The following NEB variants were observed in gnomAD, a reference collection of about 807,000 sequenced individuals.
NEB encodes nemaline myopathy type 2.
A neutral mutation model predicts 952.2 loss-of-function variants in NEB; 512 were observed. The ratio of observed to expected loss-of-function variants is 0.54; its 90% confidence interval spans 0.50 to 0.58. The LOEUF (loss-of-function observed/expected upper bound fraction) is 0.58, where lower values mean the gene tolerates loss of function less well. Among genes scored for constraint, NEB ranks in the 20% least tolerant of loss-of-function variants. The pLI is 0.00. For synonymous variants in NEB, 2,900 were observed against 3,149.8 expected (o/e 0.92, Z 2.66); for missense variants, 8,428 against 9,231.1 (o/e 0.91, Z 3.56).
Position 151,691,943 on chromosome 2 carries a change from T to C in NEB, c.2132A>G (p.Glu711Gly), listed in dbSNP as rs771553450. ...AGGGAAATAGCATTTTCCTTTATCT[T>C]CTTCATATTCTGCTTTGTAACTTTT... is the stretch of plus-strand genomic sequence containing the variant. ...SDKSYKAEYE[E>G]DKGKCYFPQT... Residue 711 changes from glutamate to glycine, a missense_variant, in exon 23 of 182, where the codon GAA (glutamate) becomes GGA (glycine). Transcript: ENST00000397345. 24 of 1,610,934 alleles carry C rather than the reference T, an allele frequency of 1.5e-5. No individual in the cohort carries two copies. The highest frequency in any genetic ancestry group is 1.9e-5 in the Non-Finnish European group (22 of 1,178,010).
In NEB at chr2:151,656,022, T is replaced by C. The variant is rs1201044410; in HGVS notation, c.6497A>G (p.Asn2166Ser). 1 of 1,612,646 alleles carries C rather than the reference T, an allele frequency of 6.2e-7. No homozygotes were observed. The highest frequency in any genetic ancestry group is 1.7e-5 in the Admixed American group (1 of 59,878). Residue 2166 changes from asparagine (N) to serine (S), a missense_variant and splice_region_variant, in exon 50 of 182, where the codon AAT (asparagine) becomes AGT (serine). This residue lies in a region of NEB where 2,851 missense variants were observed against 2,791.5 expected (regional missense o/e 1.02). Transcript: ENST00000397345. ...TRNMNRIQSD[N>S]EYKQDYNEWY... ...TTCATTGTAATCTTGCTTATATTCA[T>C]TCTATAAAGAAGATAAGCAAATTCT...
intron 142 of NEB, chr2:151,534,330 A>G: frequency 6.2e-7 from 1 of 1,605,240 alleles, no homozygotes. Flanking sequence ...CTGCTCAAAC[A>G]TCATAGCATA....
rs1461027848 is a variant in NEB, at chr2:151,561,301, T to C, written c.19008A>G (p.Thr6336=). The C allele has an allele frequency of 1.3e-6, 2 of 1,593,660 alleles. No homozygotes were observed. Among genetic ancestry groups the C allele is most frequent in the South Asian group, 2.3e-5 (2 of 88,290 alleles). Residue 6336 remains threonine, a synonymous_variant, in exon 122 of 182, where the codon ACA becomes ACG. Transcript: ENST00000397345. ...SYDLQSQLQY[T]AAGKENLQNY... ...TTTGTAGATTTTCTTTACCTGCTGC[T>C]GTATATTGTAGCTGTGAAGAAAAAC...
intron 63 of NEB, 135 bp downstream of exon 63, chr2:151,639,145 A>G: frequency 1.6e-6 from 1 of 628,010 alleles, no homozygotes; most frequent in Non-Finnish European, 2.6e-6. Context: ...ATGGTGATTG[A>G]GAAATGCAAG....
Position 151,614,486 on chromosome 2 carries a change from C to T in NEB, c.11391G>A (p.Lys3797=). 6.2e-7 allele frequency: 1 copy of T among 1,613,918 alleles called. No homozygotes were observed. Among genetic ancestry groups the T allele is most frequent in the Non-Finnish European group, 8.5e-7 (1 of 1,179,860 alleles). Residue 3797 remains lysine (K), a synonymous_variant, in exon 77 of 182, where the codon AAG becomes AAA. Coordinates refer to ENST00000397345, the MANE Select transcript of NEB (RefSeq NM_001164508.2). Reference sequence around the variant, plus strand: ...TCTTGTACTCCCTGTCACTCTGGATCTTGGCCACATGGATGGACCACATCA... The same window carrying T: ...TCTTGTACTCCCTGTCACTCTGGATTTTGGCCACATGGATGGACCACATCA... ...PKMMWSIHVA[K]IQSDREYKKE...
chr2:151,501,706 T>C (rs975881250), intron 167 of NEB, among the ~76,000 whole-genome samples: 14 of 152,184 alleles, frequency 9.2e-5, no homozygotes, highest in African/African-American at 3.4e-4. Context: ...GCTGCCAGGC[T>C]GCCGGCAGGA....
At chr2:151,703,016 T>C (rs1439132058) in intron 13 of NEB, among the ~76,000 whole-genome samples, 1 of 152,182 alleles carries the variant, frequency 6.6e-6, no homozygotes, top group Non-Finnish European at 1.5e-5. Context: ...GCTTTCCATG[T>C]TTAGCGCTTC....
Position 151,615,700 on chromosome 2 carries a change from A to AT in NEB, c.11289+301dup, listed in dbSNP as rs1290183520. ...TAGGTCAACTGCTGCTCAATTATTTATTTATTTTTTTTGAAGACGGAGTGT... is the reference window on the plus strand; with the variant it reads ...TAGGTCAACTGCTGCTCAATTATTTATTTTATTTTTTTTGAAGACGGAGTGT... On this transcript the variant is annotated intron_variant, in intron 76 of 181. Coordinates refer to ENST00000397345, the MANE Select transcript of NEB (RefSeq NM_001164508.2). 1.2e-4 allele frequency among the ~76,000 whole-genome samples: 19 copies of AT among 152,134 alleles called. No homozygotes were observed. The South Asian group carries it at 2.9e-3, about 23-fold the overall frequency.
At chr2:151,648,949 G>C (rs1012976629) in intron 54 of NEB, among the ~76,000 whole-genome samples, 3 of 152,166 alleles carry the variant, frequency 2.0e-5, no homozygotes, top group African/African-American at 7.2e-5. Context: ...TGAGGCCTGA[G>C]AGCTCCATGT....
At chr2:151,637,824 T>C (rs968895009) in intron 63 of NEB, among the ~76,000 whole-genome samples, 1 of 152,222 alleles carries the variant, frequency 6.6e-6, no homozygotes, top group Non-Finnish European at 1.5e-5. Flanking sequence ...TTGATGTTTT[T>C]AGTTTTTGGT....
Position 151,656,191 on chromosome 2 carries a change from T to C in NEB, c.6457A>G (p.Ile2153Val). The change falls in exon 49 of 182, where the codon ATT becomes GTT. Residue 2153 changes from isoleucine (I) to valine (V), a missense_variant. By Grantham distance (29) the Ile-to-Val change is conservative. Coordinates refer to ENST00000397345, the MANE Select transcript of NEB (RefSeq NM_001164508.2). ...CGATTCATATTCCTGGTCAGCTCAATGTTCATTGCATCTGGAAGGAGGATG... is the reference window on the plus strand; with the variant it reads ...CGATTCATATTCCTGGTCAGCTCAACGTTCATTGCATCTGGAAGGAGGATG... ...KYILLPDAMN[I>V]ELTRNMNRIQ... 6.2e-7 allele frequency: 1 copy of C among 1,608,262 alleles called. No homozygotes were observed. Among genetic ancestry groups the C allele is most frequent in the Non-Finnish European group, 8.5e-7 (1 of 1,176,400 alleles).
At chr2:151,552,580 TG>T (rs1370171315) in intron 128 of NEB, 91 bp downstream of exon 128, 34 of 797,756 alleles carry the variant, frequency 4.3e-5, no homozygotes, top group Non-Finnish European at 6.8e-5. Flanking sequence ...AGAAAAGACT[TG>T]GCACTGCCCA....
At chr2:151,673,877 G>C (rs977414970) in intron 36 of NEB, among the ~76,000 whole-genome samples, 1 of 151,670 alleles carries the variant, frequency 6.6e-6, no homozygotes. Context: ...GGGACTACAG[G>C]TGCCCGCCAC....
At chr2:151,662,029 AAGTGTGATGCC>A (rs2099154911) in intron 46 of NEB, 95 bp downstream of exon 46, 6 of 894,418 alleles carry the variant, frequency 6.7e-6, no homozygotes, top group Non-Finnish European at 9.8e-6. Context: ...AAATAACCTC[AAGTGTGATGCC>A]CTATAACTGT....
intron 109 of NEB, among the ~76,000 whole-genome samples, chr2:151,569,749 T>C (rs897512933): frequency 6.6e-6 from 1 of 152,204 alleles, no homozygotes; most frequent in African/African-American, 2.4e-5. Flanking sequence ...TAAAAAAGCA[T>C]GTCTGTGCCT....
rs1244282170 is a variant in NEB at position 151,489,900 on chromosome 2, A to G, written c.25404+71T>C. On this transcript the variant is annotated intron_variant, in intron 181 of 181. Coordinates refer to ENST00000397345, the MANE Select transcript of NEB (RefSeq NM_001164508.2). ...TGGTTAAAAAAAACCGTAATACCTA[A>G]TACTTATAATCATGTTTGCACATAT... is the stretch of plus-strand genomic sequence containing the variant. 9 of 1,213,128 alleles carry G rather than the reference A, an allele frequency of 7.4e-6. No homozygotes were observed. In the East Asian group the frequency reaches 2.1e-4, roughly 28 times the overall value. The allele number at this position is 1,213,128 out of a possible 1,614,324, so 75.1% of individuals were successfully genotyped here.
chr2:151,612,221 C>G lies in NEB; in HGVS notation c.11770G>C (p.Val3924Leu), dbSNP rs1196931716. The G allele has an allele frequency of 6.2e-7, 1 of 1,613,832 alleles. No homozygotes were observed. The highest frequency in any genetic ancestry group is 1.1e-5 in the South Asian group (1 of 91,070). ...GTCAGGGCATTATTCTTTGCTAGGA[C>G]AATTTCCGGAGTGTCGGTAATGCAT... ...FTCITDTPEIVLAKNNALTMS... is the reference protein window; with the variant it reads ...FTCITDTPEILLAKNNALTMS... The change falls in exon 78 of 182, where the codon GTC becomes CTC. Residue 3924 changes from valine to leucine, a missense_variant. Physicochemically the swap from Val to Leu is conservative, Grantham distance 32 (BLOSUM62 1). Around this residue, in one of 11 missense-constraint regions of NEB, gnomAD observed 337 missense variants for 297.5 expected, o/e 1.13. Coordinates refer to ENST00000397345, the MANE Select transcript of NEB (RefSeq NM_001164508.2).
chr2:151,562,344 G>A, intron 120 of NEB, 130 bp from the exon 121 acceptor site: 1 of 834,232 alleles, frequency 1.2e-6, no homozygotes, highest in Non-Finnish European at 2.0e-6. Context: ...TCACCAGCTG[G>A]AAGGTCTTTA....
rs5835379 is a variant in NEB, at chr2:151,717,855, C to CTTTTTTTTTT, written c.718-345_718-336dup. On this transcript the variant is annotated intron_variant, in intron 9 of 181. Coordinates refer to ENST00000397345, the MANE Select transcript of NEB (RefSeq NM_001164508.2). The stretch of plus-strand genomic sequence containing the variant: ...GACTTGACCATATACCTCCTTTGTT[C>CTTTTTTTTTT]TTTTTTTTTTTTTTTTGAGACGGAG... Among the ~76,000 whole-genome samples, 5 of 140,272 alleles carry CTTTTTTTTTT rather than the reference C, an allele frequency of 3.6e-5. 2 individuals carry two copies. 92.0% of individuals were successfully genotyped at this position (140,272 alleles called of 152,430 possible). A position where few individuals can be genotyped will look rare whatever the true frequency, so the allele number is the denominator to read the frequency against.
Sources: gnomAD v4.1 joint callset for allele counts (sites outside exome capture counted in the v4.1 genomes callset) on GRCh38, gnomAD v4.1.1 for gene constraint, gnomAD v4.1.1 regional missense constraint, MANE v1.5 for transcripts, NCBI Gene and HGNC (gene_info 2026-07-23, HGNC 2026-07-21) for gene names.